SLC24A2: variants seen among roughly 807,000 people sequenced by gnomAD.
The protein encoded by SLC24A2 is sodium/potassium/calcium exchanger 2.
A neutral mutation model predicts 62.0 loss-of-function variants in SLC24A2; 36 were observed. The ratio of observed to expected loss-of-function variants is 0.58; its 90% confidence interval spans 0.44 to 0.77. The LOEUF is 0.77. SLC24A2 is among the 30% of genes least tolerant of loss of function. The probability of loss-of-function intolerance (pLI) is 0.00; values close to 1 mark genes in which losing one functional copy is unlikely to be tolerated. For missense variants in SLC24A2, 846 were observed against 817.9 expected, an observed-to-expected ratio of 1.03 and a Z score of -0.42; for synonymous variants, 358 against 294.0, an observed-to-expected ratio of 1.22 and a Z score of -2.23.
the SLC24A2 span, among the ~76,000 whole-genome samples, chr9:19,895,528 T>TTCTC: frequency 2.0e-5 from 2 of 99,262 alleles, no homozygotes; most frequent in African/African-American, 5.8e-5. Flanking sequence ...CCCTGCCCTT[T>TTCTC]TCTTTCTTTC....
At chr9:20,261,930 G>A in the SLC24A2 span, among the ~76,000 whole-genome samples, 1 of 151,846 alleles carries the variant, frequency 6.6e-6, no homozygotes, top group Non-Finnish European at 1.5e-5. Context: ...AGTAGAGACA[G>A]CATTTCACCA....
At chr9:19,750,310 C>T (rs569487650) in intron 2 of SLC24A2, among the ~76,000 whole-genome samples, 57 of 152,040 alleles carry the variant, frequency 3.7e-4, no homozygotes, top group Non-Finnish European at 6.6e-4. Context: ...GGATATCCTA[C>T]AGTTCTTAAA....
intron 6 of SLC24A2, among the ~76,000 whole-genome samples, chr9:19,573,793 C>T (rs1423300656): frequency 6.6e-6 from 1 of 152,100 alleles, no homozygotes; most frequent in Non-Finnish European, 1.5e-5. Flanking sequence ...CTATCAGCTC[C>T]CATGATATGC....
chr9:19,533,308 C>A (rs866703922), intron 8 of SLC24A2, among the ~76,000 whole-genome samples: 1 of 152,152 alleles, frequency 6.6e-6, no homozygotes, highest in Non-Finnish European at 1.5e-5. Flanking sequence ...CCCTCTCTTT[C>A]CTCTCCGTAT....
At chr9:20,107,183 T>G in the SLC24A2 span, among the ~76,000 whole-genome samples, 53 of 152,066 alleles carry the variant, frequency 3.5e-4, no homozygotes, top group Non-Finnish European at 5.1e-4. Flanking sequence ...CACTGCTCAG[T>G]GAAATAAAAG....
chr9:19,830,543 C>T, the SLC24A2 span, among the ~76,000 whole-genome samples: 1,572 of 152,248 alleles, frequency 0.01, 17 homozygotes, highest in Non-Finnish European at 0.017. Flanking sequence ...ATCATTCATT[C>T]GAAACCTCAA....
chr9:19,854,666 T>C, the SLC24A2 span, among the ~76,000 whole-genome samples: 4 of 151,760 alleles, frequency 2.6e-5, no homozygotes, highest in Non-Finnish European at 4.4e-5. Flanking sequence ...GAGACTGTTA[T>C]GATTTTAGTT....
chr9:20,192,018 G>A, the SLC24A2 span, among the ~76,000 whole-genome samples: 2 of 152,164 alleles, frequency 1.3e-5, no homozygotes, highest in South Asian at 2.1e-4. Flanking sequence ...AAGCAAATAA[G>A]GGAGAGGTGC....
At chr9:20,154,925 G>A in the SLC24A2 span, among the ~76,000 whole-genome samples, 8 of 151,572 alleles carry the variant, frequency 5.3e-5, no homozygotes, top group African/African-American at 1.9e-4. Context: ...GGCAAGTAAG[G>A]CCAGAGGGGT....
intron 2 of SLC24A2, among the ~76,000 whole-genome samples, chr9:19,779,951 A>G (rs555407069): frequency 1.1e-4 from 16 of 152,038 alleles, no homozygotes; most frequent in Non-Finnish European, 2.1e-4. Context: ...TAGTGCCGCT[A>G]CTTGGGAGGC....
intron 8 of SLC24A2, among the ~76,000 whole-genome samples, chr9:19,546,911 C>T (rs1366795692): frequency 6.6e-6 from 1 of 152,114 alleles, no homozygotes; most frequent in Non-Finnish European, 1.5e-5. Flanking sequence ...TGGCACAGTC[C>T]CTCACAGCTT....
Position 19,787,273 on chromosome 9 carries a change from A to G in SLC24A2, c.-153-254T>C, listed in dbSNP as rs886702858. ...GTGGCACTTATGAAGATGTATGTAT[A>G]AACCCAAATAAATATTTTGGTAAAT... On this transcript the variant is annotated intron_variant, in intron 1 of 10. Transcript: ENST00000341998. Among the ~76,000 whole-genome samples, 7 of 152,236 alleles carry G rather than the reference A, an allele frequency of 4.6e-5. No individual in the cohort carries two copies. The South Asian group carries it at 1.4e-3, about 31-fold the overall frequency.
At chr9:20,218,615 T>G in the SLC24A2 span, among the ~76,000 whole-genome samples, 1 of 152,162 alleles carries the variant, frequency 6.6e-6, no homozygotes, top group South Asian at 2.1e-4. Context: ...TTCCTTGGAG[T>G]GCTAATGTCC....
chr9:19,709,473 C>G (rs1820645132), intron 2 of SLC24A2, among the ~76,000 whole-genome samples: 1 of 151,982 alleles, frequency 6.6e-6, no homozygotes, highest in Non-Finnish European at 1.5e-5. Context: ...TATTGCGGCA[C>G]TATTCACAAT....
At chr9:20,067,708 A>T in the SLC24A2 span, among the ~76,000 whole-genome samples, 13 of 152,282 alleles carry the variant, frequency 8.5e-5, no homozygotes, top group Non-Finnish European at 1.8e-4. Flanking sequence ...GCTGCAAAGG[A>T]CATCATTACA....
At chr9:19,737,250 CT>C (rs1821537116) in intron 2 of SLC24A2, among the ~76,000 whole-genome samples, 1 of 152,164 alleles carries the variant, frequency 6.6e-6, no homozygotes, top group African/African-American at 2.4e-5. Context: ...GCTAAGAAAA[CT>C]GTCAAAATAT....
chr9:19,731,028 T>C lies in SLC24A2; in HGVS notation c.930+54909A>G, dbSNP rs114055099. ...GTTCAAATGCTAAGTGATAATTGATTTGTCTTGAGTTCATCTTTCAAAATA... is the reference window on the plus strand; with the variant it reads ...GTTCAAATGCTAAGTGATAATTGATCTGTCTTGAGTTCATCTTTCAAAATA... On this transcript the variant is annotated intron_variant, in intron 2 of 10. Coordinates refer to ENST00000341998, the MANE Select transcript of SLC24A2 (RefSeq NM_020344.4). Among the ~76,000 whole-genome samples, 405 of 152,290 alleles carry C rather than the reference T, an allele frequency of 2.7e-3. 3 individuals carry two copies. The highest frequency in any genetic ancestry group is 7.5e-3 in the African/African-American group (313 of 41,578).
chr9:19,788,268 G>A (rs1823238311), intron 1 of SLC24A2, among the ~76,000 whole-genome samples: 1 of 152,200 alleles, frequency 6.6e-6, no homozygotes, highest in African/African-American at 2.4e-5. Flanking sequence ...ACGCTTAGCA[G>A]GAACGATTAA....
At chr9:20,294,987 T>C in the SLC24A2 span, among the ~76,000 whole-genome samples, 2 of 151,190 alleles carry the variant, frequency 1.3e-5, no homozygotes, top group African/African-American at 2.4e-5. Context: ...AAATAAATAA[T>C]AAGATAAAAC....
Sources: allele counts gnomAD v4.1 joint callset (sites outside exome capture counted in the v4.1 genomes callset), GRCh38; gene constraint gnomAD v4.1.1; transcripts MANE v1.5; gene names NCBI Gene and HGNC (gene_info 2026-07-23, HGNC 2026-07-21).